QRICH1: variants seen among roughly 807,000 people sequenced by gnomAD.
The protein encoded by QRICH1 is transcriptional regulator QRICH1.
A neutral mutation model predicts 87.1 loss-of-function variants in QRICH1; 16 were observed. That is an observed-to-expected ratio of 0.18 (90% CI 0.12 to 0.28). The LOEUF (loss-of-function observed/expected upper bound fraction) is 0.28. Ranked by LOEUF, QRICH1 falls within the 10% of genes least tolerant of loss-of-function variation. QRICH1 has a pLI of 1.00. For synonymous variants in QRICH1, 367 were observed against 368.4 expected, an observed-to-expected ratio of 1.00 and a Z score of 0.05; for missense variants, 647 against 951.7, an observed-to-expected ratio of 0.68 and a Z score of 4.21.
At chr3:49,050,681 C>G (rs2106879563) in intron 3 of QRICH1, among the ~76,000 whole-genome samples, 1 of 123,830 alleles carries the variant, frequency 8.1e-6, no homozygotes, top group East Asian at 2.5e-4. Context: ...CTGACTAATC[C>G]AAGGATCACA....
intron 2 of QRICH1, among the ~76,000 whole-genome samples, chr3:49,073,792 G>A (rs1003859898): frequency 4.0e-5 from 6 of 151,586 alleles, no homozygotes; most frequent in Non-Finnish European, 5.9e-5. Flanking sequence ...GACCATAGGC[G>A]TGCATCACCA....
intron 3 of QRICH1, among the ~76,000 whole-genome samples, chr3:49,048,396 G>T (rs1262471899): frequency 6.6e-6 from 1 of 151,146 alleles, no homozygotes. Flanking sequence ...CTCCCAAAGT[G>T]CTGGGACTAC....
At chr3:49,068,359 A>G (rs1165861856) in intron 2 of QRICH1, among the ~76,000 whole-genome samples, 2 of 151,742 alleles carry the variant, frequency 1.3e-5, no homozygotes, top group Non-Finnish European at 2.9e-5. Context: ...CAGGAGGCTG[A>G]GGTGGGAGGA....
chr3:49,058,693 A>G (rs925449720), intron 2 of QRICH1, among the ~76,000 whole-genome samples: 1 of 151,776 alleles, frequency 6.6e-6, no homozygotes, highest in African/African-American at 2.4e-5. Flanking sequence ...CAGTGGCATG[A>G]TCTTGGCTCA....
intron 1 of QRICH1, among the ~76,000 whole-genome samples, chr3:49,084,686 T>G (rs911712368): frequency 6.6e-6 from 1 of 151,628 alleles, no homozygotes; most frequent in Non-Finnish European, 1.5e-5. Context: ...ATTGCTTGAA[T>G]CCGGGAGGCG....
At chr3:49,036,171 G>A (rs1010781997) in intron 6 of QRICH1, among the ~76,000 whole-genome samples, 3 of 152,026 alleles carry the variant, frequency 2.0e-5, no homozygotes, top group Admixed American at 6.6e-5. Flanking sequence ...AGGGGCTATA[G>A]ATAAAAAAAA....
chr3:49,029,797 T>G lies in QRICH1; in HGVS notation c.*655A>C. ...GTGGTATCTTTATATGATACACAAGTGTATGTTACAAGAATTCCATCAGGC... is the reference window on the plus strand; with the variant it reads ...GTGGTATCTTTATATGATACACAAGGGTATGTTACAAGAATTCCATCAGGC... On this transcript the variant is annotated 3_prime_UTR_variant, in exon 10 of 10. Transcript: ENST00000395443. The G allele has an allele frequency of 5.0e-6, 1 of 200,698 alleles. No homozygotes were observed. The highest frequency in any genetic ancestry group is 1.0e-5 in the Non-Finnish European group (1 of 95,290). The allele number at this position is 200,698 out of a possible 1,614,324, so 12.4% of individuals were successfully genotyped here.
Position 49,093,938 on chromosome 3 carries a change from G to A in QRICH1, c.-48C>T. On this transcript the variant is annotated 5_prime_UTR_variant, in exon 1 of 10. Coordinates refer to ENST00000395443, the MANE Select transcript of QRICH1 (RefSeq NM_198880.3). ...CGGCGACGTCACTGCCGCCGCCGCCGCCGCCTCCGCTGCACCCGCCGGCCC... is the reference window on the plus strand; with the variant it reads ...CGGCGACGTCACTGCCGCCGCCGCCACCGCCTCCGCTGCACCCGCCGGCCC... 2 of 344,738 alleles carry A rather than the reference G, an allele frequency of 5.8e-6. No homozygotes were observed. Among genetic ancestry groups the A allele is most frequent in the Non-Finnish European group, 5.2e-6 (1 of 193,546 alleles). The allele number at this position is 344,738 out of a possible 1,614,324, so 21.4% of individuals were successfully genotyped here.
At position 49,085,663 on chromosome 3, in the gene QRICH1, C is replaced by T. The variant is rs996669206; in HGVS notation, c.-22+8249G>A. ...ATCCCAGCTACTCGGAAGGCTGAGA[C>T]AGGAGAATCGCTTGAACCTGGGAGG... On this transcript the variant is annotated intron_variant, in intron 1 of 9. Transcript: ENST00000395443. Among the ~76,000 whole-genome samples, 17 of 151,470 alleles carry T rather than the reference C, an allele frequency of 1.1e-4. No homozygotes were observed. The South Asian group carries it at 3.5e-3, about 32-fold the overall frequency.
At chr3:49,066,587 C>T (rs6763783) in intron 2 of QRICH1, among the ~76,000 whole-genome samples, 58 of 145,118 alleles carry the variant, frequency 4.0e-4, no homozygotes, top group Non-Finnish European at 6.6e-4. Flanking sequence ...GCCTCAGCCT[C>T]CTGAGTAGCT....
chr3:49,039,318 T>C (rs565706789), intron 6 of QRICH1, among the ~76,000 whole-genome samples: 6 of 151,994 alleles, frequency 3.9e-5, no homozygotes, highest in East Asian at 1.9e-4. Flanking sequence ...GATCGTGTCA[T>C]TGCGCTCCAG....
chr3:49,074,964 G>A (rs923106984), intron 2 of QRICH1, among the ~76,000 whole-genome samples: 2 of 152,086 alleles, frequency 1.3e-5, no homozygotes, highest in African/African-American at 4.8e-5. Flanking sequence ...GGGCAACAGA[G>A]CGAGACTCCA....
chr3:49,054,137 C>T (rs2093387677), intron 3 of QRICH1, among the ~76,000 whole-genome samples: 1 of 152,160 alleles, frequency 6.6e-6, no homozygotes, highest in Non-Finnish European at 1.5e-5. Flanking sequence ...CTCTGAAGAA[C>T]ACTGGCCCAC....
chr3:49,069,108 T>A (rs527750216), intron 2 of QRICH1, among the ~76,000 whole-genome samples: 37 of 61,112 alleles, frequency 6.1e-4, no homozygotes, highest in African/African-American at 2.7e-3. Flanking sequence ...ATTATTATTA[T>A]TTTTTTTTTT....
chr3:49,070,756 TA>T (rs2106956059), intron 2 of QRICH1, among the ~76,000 whole-genome samples: 1 of 152,310 alleles, frequency 6.6e-6, no homozygotes, highest in African/African-American at 2.4e-5. Flanking sequence ...CTTTATTTTT[TA>T]AAAGTATCTT....
intron 2 of QRICH1, among the ~76,000 whole-genome samples, chr3:49,069,914 C>T (rs923002533): frequency 6.6e-6 from 1 of 152,106 alleles, no homozygotes; most frequent in Admixed American, 6.6e-5. Flanking sequence ...CAATTCCCAA[C>T]CTTTAGTTCT....
At chr3:49,086,084 T>C (rs1466023568) in intron 1 of QRICH1, among the ~76,000 whole-genome samples, 1 of 151,636 alleles carries the variant, frequency 6.6e-6, no homozygotes, top group Admixed American at 6.6e-5. Flanking sequence ...GTGTATGAGG[T>C]CTGTAAACAA....
At chr3:49,043,814 T>C (rs6795025) in intron 6 of QRICH1, among the ~76,000 whole-genome samples, 102,894 of 152,024 alleles carry the variant, frequency 0.68, 35,357 homozygotes, top group East Asian at 0.96. Context: ...CCCTGGGCTA[T>C]AGAGTGAGAC....
intron 2 of QRICH1, among the ~76,000 whole-genome samples, chr3:49,070,139 G>C (rs2093492633): frequency 6.6e-6 from 1 of 151,810 alleles, no homozygotes; most frequent in Non-Finnish European, 1.5e-5. Context: ...CCAGGTTCAA[G>C]CAATTCTCCT....
Sources: gnomAD v4.1 joint callset for allele counts (sites outside exome capture counted in the v4.1 genomes callset) on GRCh38, gnomAD v4.1.1 for gene constraint, MANE v1.5 for transcripts, NCBI Gene and HGNC (gene_info 2026-07-23, HGNC 2026-07-21) for gene names.